Variants in MYO10 observed in about 807,000 individuals in gnomAD.
The protein encoded by MYO10 is myosin X.
In MYO10, 133 loss-of-function variants were observed where a neutral mutation model predicts 257.3. The ratio of observed to expected loss-of-function variants is 0.52; its 90% CI spans 0.45 to 0.60. The LOEUF (loss-of-function observed/expected upper bound fraction) is 0.60. Among genes scored for constraint, MYO10 ranks in the 20% least tolerant of loss-of-function variants. The probability of loss-of-function intolerance (pLI) is 0.00; values close to 1 mark genes in which losing one functional copy is unlikely to be tolerated. For missense variants in MYO10, 2,399 were observed against 2,635.7 expected (o/e 0.91, Z 1.97); for synonymous variants, 1,104 against 1,028.6 (o/e 1.07, Z -1.40).
chr5:16,813,058 A>G (rs1742490810), intron 3 of MYO10, among the ~76,000 whole-genome samples: 1 of 152,202 alleles, frequency 6.6e-6, no homozygotes, highest in Admixed American at 6.5e-5. Flanking sequence ...GAAAAAGCTA[A>G]CATTACTCCT....
intron 1 of MYO10, among the ~76,000 whole-genome samples, chr5:16,909,422 C>T (rs1158035131): frequency 1.3e-5 from 2 of 150,508 alleles, no homozygotes. Flanking sequence ...AGCAGAATCG[C>T]TTGAACCCAG....
At chr5:16,759,344 C>A (rs1303429958) in intron 17 of MYO10, among the ~76,000 whole-genome samples, 1 of 152,184 alleles carries the variant, frequency 6.6e-6, no homozygotes, top group Non-Finnish European at 1.5e-5. Context: ...TCTGCCTCCC[C>A]ACAAGCGGCA....
intron 1 of MYO10, among the ~76,000 whole-genome samples, chr5:16,905,343 G>A (rs1051169143): frequency 2.0e-5 from 3 of 152,140 alleles, no homozygotes; most frequent in Non-Finnish European, 2.9e-5. Context: ...CTCCCTCACC[G>A]ACCTTGAGCC....
At chr5:16,881,239 C>G (rs4702179) in intron 1 of MYO10, among the ~76,000 whole-genome samples, 8,749 of 152,268 alleles carry the variant, frequency 0.057, 316 homozygotes, top group Non-Finnish European at 0.088. Flanking sequence ...GCAACATTAT[C>G]AAATTAATAT....
intron 2 of MYO10, among the ~76,000 whole-genome samples, chr5:16,876,830 C>T (rs1355923627): frequency 6.6e-6 from 1 of 152,192 alleles, no homozygotes; most frequent in Non-Finnish European, 1.5e-5. Context: ...GCTGGGATTA[C>T]CGGCGTGAGC....
chr5:16,729,365 C>T (rs1739491480), intron 19 of MYO10, among the ~76,000 whole-genome samples: 1 of 152,150 alleles, frequency 6.6e-6, no homozygotes, highest in African/African-American at 2.4e-5. Flanking sequence ...TTAAAAGTTA[C>T]CTAAATTGTA....
intron 2 of MYO10, among the ~76,000 whole-genome samples, chr5:16,849,138 A>T (rs552726319): frequency 6.6e-6 from 1 of 152,274 alleles, no homozygotes; most frequent in East Asian, 1.9e-4. Flanking sequence ...AGGTATTTTT[A>T]AAGTACTTTT....
intron 1 of MYO10, among the ~76,000 whole-genome samples, chr5:16,887,440 T>A (rs1744925906): frequency 6.6e-6 from 1 of 152,232 alleles, no homozygotes; most frequent in African/African-American, 2.4e-5. Context: ...GTAAAGAGTT[T>A]ATTCCCATAG....
intron 3 of MYO10, among the ~76,000 whole-genome samples, chr5:16,817,076 A>C (rs1020531753): frequency 6.6e-6 from 1 of 150,538 alleles, no homozygotes; most frequent in Non-Finnish European, 1.5e-5. Context: ...CCTCGGCCTC[A>C]CAAAGTGCTG....
At chr5:16,676,549 C>T (rs775671437) in intron 33 of MYO10, among the ~76,000 whole-genome samples, 2 of 152,026 alleles carry the variant, frequency 1.3e-5, no homozygotes, top group Admixed American at 6.6e-5. Flanking sequence ...ACCCTGTCTC[C>T]ACTAAAAATA....
At chr5:16,729,690 C>T (rs975302005) in intron 19 of MYO10, among the ~76,000 whole-genome samples, 1 of 152,084 alleles carries the variant, frequency 6.6e-6, no homozygotes, top group Non-Finnish European at 1.5e-5. Flanking sequence ...GTGATCCACC[C>T]GCCTCGGCCT....
intron 4 of MYO10, among the ~76,000 whole-genome samples, chr5:16,792,599 G>A (rs1741804251): frequency 1.3e-5 from 2 of 151,488 alleles, no homozygotes; most frequent in African/African-American, 4.9e-5. Flanking sequence ...GCGGGGGGCT[G>A]CTCTAAGTGC....
At chr5:16,689,262 A>G (rs909760263) in intron 28 of MYO10, among the ~76,000 whole-genome samples, 2 of 152,228 alleles carry the variant, frequency 1.3e-5, no homozygotes, top group African/African-American at 4.8e-5. Context: ...ATACTTAGGT[A>G]TGAAACATTT....
At chr5:16,723,470 T>A (rs1273112010) in intron 19 of MYO10, among the ~76,000 whole-genome samples, 5 of 152,024 alleles carry the variant, frequency 3.3e-5, no homozygotes, top group Non-Finnish European at 7.4e-5. Context: ...AAATTGACAA[T>A]ATCAAATGCT....
intron 2 of MYO10, among the ~76,000 whole-genome samples, chr5:16,823,322 G>A (rs938886159): frequency 1.4e-5 from 2 of 147,334 alleles, no homozygotes; most frequent in Non-Finnish European, 3.0e-5. Context: ...GCACGTGACG[G>A]TAATCCCAGC....
chr5:16,725,593 G>GA (rs1739332717), intron 19 of MYO10, among the ~76,000 whole-genome samples: 1 of 152,072 alleles, frequency 6.6e-6, no homozygotes. Flanking sequence ...AATCGTGTGG[G>GA]AAATGCTCTC....
At chr5:16,934,609 T>C (rs1183765983) in intron 1 of MYO10, among the ~76,000 whole-genome samples, 1 of 152,260 alleles carries the variant, frequency 6.6e-6, no homozygotes, top group East Asian at 1.9e-4. Context: ...GAAAAATATG[T>C]ATTGATGGAT....
chr5:16,729,014 T>C (rs1425354596), intron 19 of MYO10, among the ~76,000 whole-genome samples: 1 of 152,202 alleles, frequency 6.6e-6, no homozygotes, highest in Admixed American at 6.5e-5. Flanking sequence ...CCCGAGTGGG[T>C]TGCCGATTTT....
intron 29 of MYO10, among the ~76,000 whole-genome samples, chr5:16,684,698 G>A (rs26759): frequency 0.87 from 131,909 of 152,236 alleles, 57,449 homozygotes; most frequent in African/African-American, 0.95. Context: ...ATAAAACTTG[G>A]TTTCCAAAGC....
Sources: allele counts gnomAD v4.1 joint callset (sites outside exome capture counted in the v4.1 genomes callset), GRCh38; gene constraint gnomAD v4.1.1; transcripts MANE v1.5; gene names NCBI Gene and HGNC (gene_info 2026-07-23, HGNC 2026-07-21).